CNTN5: variants seen among roughly 807,000 people sequenced by gnomAD.
CNTN5 encodes contactin 5, also known as contactin-5.
Under a neutral mutation model 129.1 loss-of-function variants are expected in CNTN5, and 77 were observed. That is an observed-to-expected ratio of 0.60 (90% CI 0.50 to 0.72). The LOEUF (loss-of-function observed/expected upper bound fraction) is 0.72. CNTN5 is among the 30% of genes least tolerant of loss of function. CNTN5 has a pLI of 0.00. For synonymous variants in CNTN5, 509 were observed against 465.6 expected, an observed-to-expected ratio of 1.09 and a Z score of -1.20; for missense variants, 1,478 against 1,328.8, an observed-to-expected ratio of 1.11 and a Z score of -1.75.
Position 99,920,613 on chromosome 11 carries a change from C to A in CNTN5, c.673+4464C>A, listed in dbSNP as rs371425343. On this transcript the variant is annotated intron_variant, in intron 7 of 24. Coordinates refer to ENST00000524871, the MANE Select transcript of CNTN5 (RefSeq NM_014361.4). The stretch of plus-strand genomic sequence containing the variant: ...GGCCTCAGAGCCATTCTTCACTTCT[C>A]ACTTTCTCTACACCCTACATACAAA... Among the ~76,000 whole-genome samples the A allele has an allele frequency of 1.1e-4, 16 of 152,268 alleles. No individual in the cohort carries two copies. The East Asian group carries it at 2.9e-3, about 28-fold the overall frequency.
intron 3 of CNTN5, among the ~76,000 whole-genome samples, chr11:99,793,131 C>T (rs1565539011): frequency 6.6e-6 from 1 of 151,888 alleles, no homozygotes; most frequent in Non-Finnish European, 1.5e-5. Flanking sequence ...GCAATCTCGG[C>T]TCACTGCAAC....
chr11:100,250,272 T>A (rs1463214398), intron 16 of CNTN5, among the ~76,000 whole-genome samples: 1 of 152,114 alleles, frequency 6.6e-6, no homozygotes, highest in African/African-American at 2.4e-5. Flanking sequence ...AAATCGCATC[T>A]CCGTCTAATA....
intron 1 of CNTN5, among the ~76,000 whole-genome samples, chr11:99,196,755 G>A (rs554660389): frequency 1.3e-3 from 192 of 151,636 alleles, no homozygotes; most frequent in African/African-American, 4.5e-3. Flanking sequence ...GATGCAAGTT[G>A]TCTCCCAACA....
intron 21 of CNTN5, among the ~76,000 whole-genome samples, chr11:100,332,105 A>G (rs760307114): frequency 6.6e-6 from 1 of 152,190 alleles, no homozygotes; most frequent in Non-Finnish European, 1.5e-5. Context: ...AAACAAGAAA[A>G]GAAGAGAGAA....
At chr11:100,341,230 A>C (rs1442804704) in intron 23 of CNTN5, 25 bp downstream of exon 23, 1 of 1,478,474 alleles carries the variant, frequency 6.8e-7, no homozygotes, top group East Asian at 2.3e-5. Context: ...ACTCTTTTGC[A>C]TAGATACTCA....
chr11:99,382,140 T>G (rs1337110983), intron 2 of CNTN5, among the ~76,000 whole-genome samples: 1 of 152,192 alleles, frequency 6.6e-6, no homozygotes, highest in East Asian at 1.9e-4. Flanking sequence ...TTGGTTCAAG[T>G]GTCCTATGCT....
Position 100,356,479 on chromosome 11 carries a change from G to T in CNTN5, c.*259G>T. The T allele has an allele frequency of 2.2e-6, 1 of 457,734 alleles. No individual in the cohort carries two copies. Among genetic ancestry groups the T allele is most frequent in the Non-Finnish European group, 3.9e-6 (1 of 257,984 alleles). The allele number at this position is 457,734 out of a possible 1,614,324, so 28.4% of individuals were successfully genotyped here. ...TATGTAATGAATTTTTGTAAACAAAGGTAATTTCTGTCAAATGTATTCTTT... is the reference window on the plus strand; with the variant it reads ...TATGTAATGAATTTTTGTAAACAAATGTAATTTCTGTCAAATGTATTCTTT... On this transcript the variant is annotated 3_prime_UTR_variant, in exon 25 of 25. Transcript: ENST00000524871.
intron 3 of CNTN5, among the ~76,000 whole-genome samples, chr11:99,755,988 C>T (rs1005675583): frequency 1.3e-5 from 2 of 151,948 alleles, no homozygotes; most frequent in African/African-American, 4.8e-5. Context: ...ATATCCCTCC[C>T]CCATATATTA....
chr11:99,124,712 C>T (rs76370529), intron 1 of CNTN5, among the ~76,000 whole-genome samples: 2,017 of 151,512 alleles, frequency 0.013, 47 homozygotes, highest in African/African-American at 0.045. Flanking sequence ...AGATAGAGTG[C>T]TAGCTAGAGT....
In CNTN5 at chr11:99,798,126, A is replaced by T. The variant is rs555272520; in HGVS notation, c.56-21418A>T. On this transcript the variant is annotated intron_variant, in intron 3 of 24. Coordinates refer to ENST00000524871, the MANE Select transcript of CNTN5 (RefSeq NM_014361.4). Reference sequence around the variant, plus strand: ...CCCTCCTCCTACCCTACCCCGTCTGATAGGCCCTAGTATATGTTTTTCCCT... The same window carrying T: ...CCCTCCTCCTACCCTACCCCGTCTGTTAGGCCCTAGTATATGTTTTTCCCT... Among the ~76,000 whole-genome samples, 20 of 152,074 alleles carry T rather than the reference A, an allele frequency of 1.3e-4. No individual in the cohort carries two copies. In the South Asian group the frequency reaches 3.9e-3, roughly 30 times the overall value.
intron 16 of CNTN5, among the ~76,000 whole-genome samples, chr11:100,253,381 A>G (rs1248252214): frequency 2.6e-5 from 4 of 152,132 alleles, no homozygotes; most frequent in African/African-American, 9.7e-5. Flanking sequence ...TTAACATATA[A>G]TAAGGTTATT....
chr11:100,075,871 A>G (rs1005300302), intron 13 of CNTN5, among the ~76,000 whole-genome samples: 4 of 152,158 alleles, frequency 2.6e-5, no homozygotes, highest in African/African-American at 9.6e-5. Context: ...GAGAAGATCA[A>G]AAATATCCTG....
At chr11:99,674,214 T>C (rs1024495817) in intron 3 of CNTN5, among the ~76,000 whole-genome samples, 2 of 152,168 alleles carry the variant, frequency 1.3e-5, no homozygotes, top group African/African-American at 4.8e-5. Flanking sequence ...ATCAGTGATA[T>C]TGAGCATTTT....
Position 100,341,151 on chromosome 11 carries a change from G to T in CNTN5, c.2976G>T (p.Leu992=). 1 of 1,613,846 alleles carries T rather than the reference G, an allele frequency of 6.2e-7. No individual in the cohort carries two copies. The highest frequency in any genetic ancestry group is 1.1e-5 in the South Asian group (1 of 91,064). ...AGCAGCAAGGCTCTCAGGTTTCTCT[G>T]GGCTGGGAACCCGTCATACCATTAG... is the stretch of plus-strand genomic sequence containing the variant. ...RWEQQGSQVS[L]GWEPVIPLAN... The change falls in exon 23 of 25, where the codon CTG becomes CTT. Residue 992 remains leucine, a synonymous_variant. Coordinates refer to ENST00000524871, the MANE Select transcript of CNTN5 (RefSeq NM_014361.4).
chr11:100,357,070 G>T lies in CNTN5; in HGVS notation c.*850G>T, dbSNP rs1565449570. ...AAAAATGAGATGAATATGGGACAGAGCGTTTCCATTTCTTTACCTACTGCC... is the reference window on the plus strand; with the variant it reads ...AAAAATGAGATGAATATGGGACAGATCGTTTCCATTTCTTTACCTACTGCC... On this transcript the variant is annotated 3_prime_UTR_variant, in exon 25 of 25. Coordinates refer to ENST00000524871, the MANE Select transcript of CNTN5 (RefSeq NM_014361.4). The T allele has an allele frequency of 6.6e-6, 1 of 151,696 alleles. No homozygotes were observed. The allele number at this position is 151,696 out of a possible 1,614,324, so 9.4% of individuals were successfully genotyped here. A position where few individuals can be genotyped will look rare whatever the true frequency, so the allele number is the denominator to read the frequency against.
At chr11:99,503,645 G>T (rs147871845) in intron 2 of CNTN5, among the ~76,000 whole-genome samples, 1,644 of 152,082 alleles carry the variant, frequency 0.011, 24 homozygotes, top group African/African-American at 0.037. Flanking sequence ...CAAAAACCTG[G>T]GTCTTTTATT....
intron 1 of CNTN5, among the ~76,000 whole-genome samples, chr11:99,036,813 T>G (rs1863757809): frequency 6.6e-6 from 1 of 152,228 alleles, no homozygotes; most frequent in Admixed American, 6.5e-5. Context: ...TGTTTAATAT[T>G]TGAACATCCC....
intron 2 of CNTN5, among the ~76,000 whole-genome samples, chr11:99,489,503 G>A (rs1945950923): frequency 6.6e-6 from 1 of 152,122 alleles, no homozygotes; most frequent in African/African-American, 2.4e-5. Flanking sequence ...TCTCTCTAGT[G>A]GTTCCTGGCT....
intron 1 of CNTN5, among the ~76,000 whole-genome samples, chr11:99,060,049 A>T (rs1864810899): frequency 6.6e-6 from 1 of 152,090 alleles, no homozygotes; most frequent in Non-Finnish European, 1.5e-5. Context: ...TTGATATTTA[A>T]CATGACAACA....
Sources: gnomAD v4.1 joint callset for allele counts (sites outside exome capture counted in the v4.1 genomes callset) on GRCh38, gnomAD v4.1.1 for gene constraint, MANE v1.5 for transcripts, NCBI Gene and HGNC (gene_info 2026-07-23, HGNC 2026-07-21) for gene names.